CDKAL1: variants seen among roughly 807,000 people sequenced by gnomAD.
CDKAL1 encodes the protein CDKAL1 threonylcarbamoyladenosine tRNA methylthiotransferase, also known as threonylcarbamoyladenosine tRNA methylthiotransferase.
In CDKAL1, 32 loss-of-function variants were observed where a neutral mutation model predicts 68.2. The observed-to-expected ratio is 0.47, with a 90% CI of 0.35 to 0.63. CDKAL1 has a LOEUF of 0.63. CDKAL1 is among the 30% of genes least tolerant of loss of function. The probability of loss-of-function intolerance (pLI) is 0.00; values close to 1 mark genes in which losing one functional copy is unlikely to be tolerated. For missense variants in CDKAL1, 606 were observed against 696.7 expected (o/e 0.87, Z 1.47); for synonymous variants, 234 against 244.3 (o/e 0.96, Z 0.39).
chr6:21,102,735 G>A (rs999700414), intron 12 of CDKAL1, among the ~76,000 whole-genome samples: 9 of 151,874 alleles, frequency 5.9e-5, no homozygotes, highest in Non-Finnish European at 1.0e-4. Context: ...AATTTTTTTT[G>A]GGCATAACTC....
At chr6:21,092,153 T>TGGGATTACA (rs1476433757) in intron 12 of CDKAL1, among the ~76,000 whole-genome samples, 1 of 136,042 alleles carries the variant, frequency 7.4e-6, no homozygotes, top group Non-Finnish European at 1.5e-5. Flanking sequence ...CCCAAAGTCC[T>TGGGATTACA]GGGATTACAG....
chr6:20,874,341 G>A (rs1046400414), intron 9 of CDKAL1, among the ~76,000 whole-genome samples: 9 of 151,342 alleles, frequency 5.9e-5, no homozygotes, highest in Non-Finnish European at 7.4e-5. Flanking sequence ...TCGCCCTGTC[G>A]TCCAGGCTGG....
At position 20,750,951 on chromosome 6, in the gene CDKAL1, GAAAAAAAAAAAAAAAAAAA is replaced by G. The variant is rs59244637; in HGVS notation, c.469-7628_469-7610del. ...TGCACTCCAGGCTGAGCAACAGAGT[GAAAAAAAAAAAAAAAAAAA>G]AAAAAAAAAAAAAAAGAAGTAACAG... On this transcript the variant is annotated intron_variant, in intron 6 of 15. Coordinates refer to ENST00000274695, the MANE Select transcript of CDKAL1 (RefSeq NM_017774.3). Among the ~76,000 whole-genome samples, 19 of 47,088 alleles carry G rather than the reference GAAAAAAAAAAAAAAAAAAA, an allele frequency of 4.0e-4. No homozygotes were observed. The South Asian group carries it at 8.2e-3, about 20-fold the overall frequency. 30.9% of individuals were successfully genotyped at this position (47,088 alleles called of 152,430 possible). A position where few individuals can be genotyped will look rare whatever the true frequency, so the allele number is the denominator to read the frequency against.
chr6:20,866,582 A>G (rs1306865783), intron 9 of CDKAL1, among the ~76,000 whole-genome samples: 1 of 152,176 alleles, frequency 6.6e-6, no homozygotes, highest in Non-Finnish European at 1.5e-5. Flanking sequence ...ATTCACACAG[A>G]TATTATTTTA....
chr6:20,675,619 G>A (rs1316293724), intron 5 of CDKAL1, among the ~76,000 whole-genome samples: 1 of 152,076 alleles, frequency 6.6e-6, no homozygotes, highest in Admixed American at 6.6e-5. Context: ...AAGTGTTTCC[G>A]GTGTTGCTGG....
At chr6:20,681,138 T>A (rs946733891) in intron 5 of CDKAL1, among the ~76,000 whole-genome samples, 2 of 152,220 alleles carry the variant, frequency 1.3e-5, no homozygotes, top group Non-Finnish European at 2.9e-5. Context: ...TTTACCCTAG[T>A]TGTTTCACTG....
intron 4 of CDKAL1, among the ~76,000 whole-genome samples, chr6:20,637,225 T>C (rs141306852): frequency 1.5e-3 from 231 of 152,042 alleles, no homozygotes; most frequent in African/African-American, 5.2e-3. Context: ...AGCTCGTGCA[T>C]AGAGAGAGTT....
chr6:20,778,968 G>A (rs1223378359), intron 7 of CDKAL1, among the ~76,000 whole-genome samples: 1 of 152,082 alleles, frequency 6.6e-6, no homozygotes, highest in Non-Finnish European at 1.5e-5. Context: ...CAGTCAAGTT[G>A]ACATATAAAA....
At chr6:20,731,827 C>T (rs1772938518) in intron 5 of CDKAL1, among the ~76,000 whole-genome samples, 1 of 152,090 alleles carries the variant, frequency 6.6e-6, no homozygotes, top group Admixed American at 6.5e-5. Context: ...TGGGCCCAGG[C>T]ACAGAACTCA....
intron 4 of CDKAL1, among the ~76,000 whole-genome samples, chr6:20,586,215 T>C (rs1765349518): frequency 6.6e-6 from 1 of 152,224 alleles, no homozygotes; most frequent in African/African-American, 2.4e-5. Flanking sequence ...ACCTGTTTTA[T>C]CTCCTAGCTT....
intron 11 of CDKAL1, among the ~76,000 whole-genome samples, chr6:21,004,360 A>G (rs1201148409): frequency 2.0e-5 from 3 of 152,250 alleles, no homozygotes; most frequent in Non-Finnish European, 4.4e-5. Flanking sequence ...TCACAACAGC[A>G]GCTGGATACA....
intron 12 of CDKAL1, among the ~76,000 whole-genome samples, chr6:21,102,827 T>G (rs1314878926): frequency 1.3e-5 from 2 of 152,244 alleles, no homozygotes; most frequent in Non-Finnish European, 2.9e-5. Flanking sequence ...GTCCAGTTCG[T>G]GAGTTGCCTT....
intron 4 of CDKAL1, among the ~76,000 whole-genome samples, chr6:20,603,350 C>T (rs1164572189): frequency 6.6e-6 from 1 of 152,138 alleles, no homozygotes. Context: ...GAACAAGCAG[C>T]AGCTATCTGT....
At chr6:20,753,660 T>C (rs1409544651) in intron 6 of CDKAL1, among the ~76,000 whole-genome samples, 1 of 152,230 alleles carries the variant, frequency 6.6e-6, no homozygotes, top group Admixed American at 6.5e-5. Flanking sequence ...TATTTCGTTG[T>C]ATGCATATGC....
In CDKAL1 at chr6:20,711,770, C is replaced by T. The variant is rs943561336; in HGVS notation, c.372-27749C>T. On this transcript the variant is annotated intron_variant, in intron 5 of 15. Coordinates refer to ENST00000274695, the MANE Select transcript of CDKAL1 (RefSeq NM_017774.3). ...ATTCTTAGTTTGTTTGTGGTATCTT[C>T]GTTTGAGTGGTGATATTGCTGTAAT... 5.3e-5 allele frequency among the ~76,000 whole-genome samples: 8 copies of T among 152,088 alleles called. No individual in the cohort carries two copies. The South Asian group carries it at 1.0e-3, about 20-fold the overall frequency.
chr6:20,708,068 G>A (rs1771682936), intron 5 of CDKAL1, among the ~76,000 whole-genome samples: 1 of 152,198 alleles, frequency 6.6e-6, no homozygotes, highest in South Asian at 2.1e-4. Flanking sequence ...TGTGCTAGAA[G>A]AGTGAGCCCT....
At chr6:20,581,440 C>T (rs751961462) in intron 4 of CDKAL1, among the ~76,000 whole-genome samples, 5 of 152,022 alleles carry the variant, frequency 3.3e-5, no homozygotes, top group Non-Finnish European at 5.9e-5. Context: ...CTTTTAAGTT[C>T]CTTGTTAATG....
chr6:21,094,309 C>G (rs1773209743), intron 12 of CDKAL1, among the ~76,000 whole-genome samples: 1 of 151,682 alleles, frequency 6.6e-6, no homozygotes, highest in South Asian at 2.1e-4. Flanking sequence ...AAAGAATAAA[C>G]TAAAAAGAGT....
intron 4 of CDKAL1, among the ~76,000 whole-genome samples, chr6:20,608,279 T>C (rs1455742850): frequency 6.6e-6 from 1 of 152,192 alleles, no homozygotes; most frequent in Non-Finnish European, 1.5e-5. Context: ...GTAATTTATA[T>C]ATATATAAAG....
Sources: allele counts gnomAD v4.1 joint callset (sites outside exome capture counted in the v4.1 genomes callset), GRCh38; gene constraint gnomAD v4.1.1; transcripts MANE v1.5; gene names NCBI Gene and HGNC (gene_info 2026-07-23, HGNC 2026-07-21).